Variants in AGPAT3 observed in about 807,000 individuals in gnomAD.
The protein encoded by AGPAT3 is 1-acyl-sn-glycerol-3-phosphate acyltransferase gamma.
AGPAT3 carries 5 observed loss-of-function variants against 47.3 expected under a neutral mutation model. That is an observed-to-expected ratio of 0.11 (90% CI 0.06 to 0.22). AGPAT3 has a LOEUF of 0.22. Among genes scored for constraint, AGPAT3 ranks in the 10% least tolerant of loss-of-function variants. The pLI is 1.00. For synonymous variants in AGPAT3, 212 were observed against 208.3 expected (o/e 1.02, Z -0.15); for missense variants, 315 against 493.0 (o/e 0.64, Z 3.42).
At chr21:43,946,341 T>C (rs1238752108) in intron 2 of AGPAT3, among the ~76,000 whole-genome samples, 2 of 152,048 alleles carry the variant, frequency 1.3e-5, no homozygotes, top group African/African-American at 4.8e-5. Context: ...GGCTCACGCC[T>C]ATAATCCCAG....
At chr21:43,965,480 T>G (rs1227094217) in intron 3 of AGPAT3, 2 of 152,310 alleles carry the variant, frequency 1.3e-5, no homozygotes, top group Non-Finnish European at 2.9e-5. Flanking sequence ...ACCTCAGCTT[T>G]CTCATCTGCA....
chr21:43,890,604 G>T (rs930589269), intron 1 of AGPAT3, among the ~76,000 whole-genome samples: 5 of 151,534 alleles, frequency 3.3e-5, no homozygotes, highest in Admixed American at 3.3e-4. Context: ...GTAGAGATGG[G>T]TTTTCACCAC....
intron 1 of AGPAT3, among the ~76,000 whole-genome samples, chr21:43,896,943 G>GTTTTT (rs61657564): frequency 7.1e-5 from 3 of 42,340 alleles, no homozygotes; most frequent in Admixed American, 5.3e-4. Context: ...TTGACAGTCC[G>GTTTTT]TTTTTTTTTT....
rs1243371018 is a variant in AGPAT3, at chr21:43,972,086, C to A, written c.767+596C>A. On this transcript the variant is annotated intron_variant, in intron 7 of 9. Transcript: ENST00000291572. ...CTGGCCCTGGTGATGGCAGCCGCAG[C>A]ACGCGAGGGACCGCAGTGTCTGAAG... is the stretch of plus-strand genomic sequence containing the variant. Among the ~76,000 whole-genome samples, 4 of 152,110 alleles carry A rather than the reference C, an allele frequency of 2.6e-5. No homozygotes were observed. In the East Asian group the frequency reaches 7.7e-4, roughly 29 times the overall value.
chr21:43,934,279 C>T lies in AGPAT3; in HGVS notation c.-48-25355C>T, dbSNP rs973921052. ...CTCCCACACACCAGCCCTCTCACCG[C>T]GGTGTGCCTGTCCCCACCTCCCAAG... is the stretch of plus-strand genomic sequence containing the variant. On this transcript the variant is annotated intron_variant, in intron 2 of 9. Coordinates refer to ENST00000291572, the MANE Select transcript of AGPAT3 (RefSeq NM_020132.5). This position sits in a 1 kb window ranked among gnomAD's most constrained non-coding sequence, Gnocchi z 4.7. Among the ~76,000 whole-genome samples the T allele has an allele frequency of 6.6e-6, 1 of 152,248 alleles. No homozygotes were observed. Among genetic ancestry groups the T allele is most frequent in the Admixed American group, 6.5e-5 (1 of 15,286 alleles).
At chr21:43,975,676 C>T (rs1254045516) in intron 7 of AGPAT3, among the ~76,000 whole-genome samples, 1 of 152,226 alleles carries the variant, frequency 6.6e-6, no homozygotes, top group African/African-American at 2.4e-5. Context: ...GGGAGCACTG[C>T]GGTTGCCCGT....
At chr21:43,902,594 G>A (rs529025313) in intron 1 of AGPAT3, among the ~76,000 whole-genome samples, 6 of 152,320 alleles carry the variant, frequency 3.9e-5, no homozygotes, top group South Asian at 2.1e-4. Context: ...CAGCTGGCCC[G>A]TGTCTTTTGG....
rs1206437935 is a variant in AGPAT3, at chr21:43,981,299, T to C, written c.1042+112T>C. On this transcript the variant is annotated intron_variant, in intron 9 of 9. Transcript: ENST00000291572. This position sits in a 1 kb window ranked among gnomAD's most constrained non-coding sequence, Gnocchi z 5.3. ...TGGCTGTGGGAGGCAGGGGCCTGGC[T>C]GTTATGGACCCTGGAGCCAGGATCC... 1.9e-5 allele frequency: 23 copies of C among 1,181,494 alleles called. 1 individual carries two copies. The highest frequency in any genetic ancestry group is 1.5e-4 in the Admixed American group (8 of 51,630). The allele number at this position is 1,181,494 out of a possible 1,614,324, so 73.2% of individuals were successfully genotyped here.
At chr21:43,942,218 C>T (rs931742660) in intron 2 of AGPAT3, among the ~76,000 whole-genome samples, 2 of 152,156 alleles carry the variant, frequency 1.3e-5, no homozygotes, top group African/African-American at 4.8e-5. Flanking sequence ...ACCTGGAGGG[C>T]CACAGAGGCG....
chr21:43,918,004 T>A, intron 2 of AGPAT3, among the ~76,000 whole-genome samples: 1 of 109,282 alleles, frequency 9.2e-6, no homozygotes, highest in African/African-American at 3.8e-5. Context: ...GTGGGGGTTG[T>A]GGGTGTTGTG....
At chr21:43,940,323 C>G (rs988930584) in intron 2 of AGPAT3, among the ~76,000 whole-genome samples, 1 of 152,266 alleles carries the variant, frequency 6.6e-6, no homozygotes, top group African/African-American at 2.4e-5. Context: ...TGGCCTATTA[C>G]TTCTACTGGT....
intron 2 of AGPAT3, among the ~76,000 whole-genome samples, chr21:43,935,084 C>T (rs1317331872): frequency 6.6e-6 from 1 of 152,262 alleles, no homozygotes; most frequent in African/African-American, 2.4e-5. Flanking sequence ...AGTGTGGAGG[C>T]TGGACAGGGG....
chr21:43,940,691 A>G (rs1196795876), intron 2 of AGPAT3, among the ~76,000 whole-genome samples: 1 of 152,270 alleles, frequency 6.6e-6, no homozygotes, highest in Non-Finnish European at 1.5e-5. Flanking sequence ...CAGGTGCTGT[A>G]GGATGGCTGA....
intron 1 of AGPAT3, among the ~76,000 whole-genome samples, chr21:43,885,631 G>A (rs974280547): frequency 6.6e-6 from 1 of 152,036 alleles, no homozygotes; most frequent in African/African-American, 2.4e-5. Context: ...TGATCCACCC[G>A]CCTTGGCCTC....
intron 1 of AGPAT3, among the ~76,000 whole-genome samples, chr21:43,871,797 A>G (rs2085630229): frequency 6.6e-6 from 1 of 152,152 alleles, no homozygotes; most frequent in Non-Finnish European, 1.5e-5. Flanking sequence ...TTATAGATTC[A>G]GGATGTTCAT....
chr21:43,929,331 C>T (rs2087162791), intron 2 of AGPAT3, among the ~76,000 whole-genome samples: 1 of 152,202 alleles, frequency 6.6e-6, no homozygotes. Flanking sequence ...TAGTAACCCG[C>T]GCCCTGTCCC....
chr21:43,964,398 G>A (rs1428088083), intron 3 of AGPAT3, among the ~76,000 whole-genome samples: 4 of 151,620 alleles, frequency 2.6e-5, no homozygotes, highest in Non-Finnish European at 5.9e-5. Flanking sequence ...GTTTCACCAT[G>A]TTGCCCAGAC....
At position 43,872,761 on chromosome 21, in the gene AGPAT3, C is replaced by G. The variant is rs116627874; in HGVS notation, c.-112+7416C>G. Among the ~76,000 whole-genome samples, 399 of 152,330 alleles carry G rather than the reference C, an allele frequency of 2.6e-3. 2 individuals are homozygous for G. The highest frequency in any genetic ancestry group is 8.7e-3 in the African/African-American group (361 of 41,564). On this transcript the variant is annotated intron_variant, in intron 1 of 9. Transcript: ENST00000291572. ...GGAAGTGTGACAGGCCATCCTTGTC[C>G]TGTTCCTGATTTTAGGGAAATGCTT...
At chr21:43,891,792 A>T (rs965764395) in intron 1 of AGPAT3, among the ~76,000 whole-genome samples, 1 of 152,238 alleles carries the variant, frequency 6.6e-6, no homozygotes, top group South Asian at 2.1e-4. Flanking sequence ...TGAACTCCTC[A>T]AAGTCATCCA....
Sources: gnomAD v4.1 joint callset for allele counts (sites outside exome capture counted in the v4.1 genomes callset) on GRCh38, gnomAD v4.1.1 for gene constraint, Gnocchi (gnomAD v3.1) non-coding constraint, MANE v1.5 for transcripts, NCBI Gene and HGNC (gene_info 2026-07-23, HGNC 2026-07-21) for gene names.